Variants in WDR25 observed in about 807,000 individuals in gnomAD.
WDR25 encodes WD repeat-containing protein 25.
In WDR25, 35 loss-of-function variants were observed where a neutral mutation model predicts 47.7. That is an observed-to-expected ratio of 0.73 (90% CI 0.56 to 0.97). The LOEUF (loss-of-function observed/expected upper bound fraction) is 0.97, where lower values mean the gene tolerates loss of function less well. WDR25 is among the 50% of genes least tolerant of loss of function. WDR25 has a pLI of 0.00. For synonymous variants in WDR25, 248 were observed against 278.9 expected, an observed-to-expected ratio of 0.89 and a Z score of 1.10; for missense variants, 634 against 704.7, an observed-to-expected ratio of 0.90 and a Z score of 1.14.
intron 2 of WDR25, among the ~76,000 whole-genome samples, chr14:100,399,313 C>G (rs1329250884): frequency 6.6e-6 from 1 of 152,160 alleles, no homozygotes; most frequent in African/African-American, 2.4e-5. Context: ...CCGATAGATG[C>G]ACATCTGTAG....
intron 4 of WDR25, among the ~76,000 whole-genome samples, chr14:100,493,872 A>T (rs1349385032): frequency 6.6e-6 from 1 of 152,138 alleles, no homozygotes; most frequent in African/African-American, 2.4e-5. Flanking sequence ...CTGTAAGAAG[A>T]GACACGAGAG....
chr14:100,529,592 G>A lies in WDR25; in HGVS notation c.1414-228G>A. 2 of 610,052 alleles carry A rather than the reference G, an allele frequency of 3.3e-6. No individual in the cohort carries two copies. Among genetic ancestry groups the A allele is most frequent in the Non-Finnish European group, 5.7e-6 (2 of 347,976 alleles). 37.8% of individuals were successfully genotyped at this position (610,052 alleles called of 1,614,324 possible). A position where few individuals can be genotyped will look rare whatever the true frequency, so the allele number is the denominator to read the frequency against. ...CACTGAGGCCAGACCCCTCAGCTGG[G>A]CTGGAGCTGGTCCCGCTGGATCTGC... On this transcript the variant is annotated intron_variant, in intron 6 of 6. Coordinates refer to ENST00000402312, the MANE Select transcript of WDR25 (RefSeq NM_001161476.3). This position sits in a 1 kb window ranked among gnomAD's most constrained non-coding sequence, Gnocchi z 5.1.
In WDR25 at chr14:100,529,036, C is replaced by T. The variant is rs781534768; in HGVS notation, c.1273-32C>T. ...CAGAGTGCCAGGTTGGGGGTGTCTT[C>T]TCTGACCCATTTGTGGCTCTGCTGT... On this transcript the variant is annotated intron_variant, in intron 5 of 6. Coordinates refer to ENST00000402312, the MANE Select transcript of WDR25 (RefSeq NM_001161476.3). The surrounding 1 kb of genome is among the most constrained non-coding windows in gnomAD (Gnocchi z 5.1). 5.9e-6 allele frequency: 9 copies of T among 1,516,916 alleles called. No individual in the cohort carries two copies. The highest frequency in any genetic ancestry group is 8.0e-6 in the Non-Finnish European group (9 of 1,128,850). The allele number at this position is 1,516,916 out of a possible 1,614,324, so 94.0% of individuals were successfully genotyped here. A position where few individuals can be genotyped will look rare whatever the true frequency, so the allele number is the denominator to read the frequency against.
intron 4 of WDR25, among the ~76,000 whole-genome samples, chr14:100,522,655 C>A (rs1025468979): frequency 1.3e-5 from 2 of 152,214 alleles, no homozygotes; most frequent in Non-Finnish European, 2.9e-5. Flanking sequence ...GGGCACAGCA[C>A]CCTTAGTTCC....
intron 2 of WDR25, among the ~76,000 whole-genome samples, chr14:100,387,563 A>G (rs1264411989): frequency 6.6e-6 from 1 of 152,244 alleles, no homozygotes; most frequent in African/African-American, 2.4e-5. Context: ...TGTACTAGGC[A>G]TGTTCTAAAC....
chr14:100,530,264 A>G lies in WDR25; in HGVS notation c.*223A>G, dbSNP rs1394682517. Reference sequence around the variant, plus strand: ...CCTGGCGGGCAGCCGGCGATGCCCAATAAATGTGTGTTTTGCTGTTTGTTA... The same window carrying G: ...CCTGGCGGGCAGCCGGCGATGCCCAGTAAATGTGTGTTTTGCTGTTTGTTA... On this transcript the variant is annotated 3_prime_UTR_variant, in exon 7 of 7. Coordinates refer to ENST00000402312, the MANE Select transcript of WDR25 (RefSeq NM_001161476.3). The G allele has an allele frequency of 1.4e-5, 8 of 566,454 alleles. No homozygotes were observed. The highest frequency in any genetic ancestry group is 1.2e-4 in the East Asian group (4 of 33,370). 35.1% of individuals were successfully genotyped at this position (566,454 alleles called of 1,614,324 possible). A position where few individuals can be genotyped will look rare whatever the true frequency, so the allele number is the denominator to read the frequency against.
Position 100,381,273 on chromosome 14 carries a change from C to T in WDR25, c.349C>T (p.Leu117=). 7 of 1,614,160 alleles carry T rather than the reference C, an allele frequency of 4.3e-6. No homozygotes were observed. The highest frequency in any genetic ancestry group is 5.9e-6 in the Non-Finnish European group (7 of 1,180,018). ...FPIKEPSCSS[L]WTSHVPASHM... is the part of the protein sequence containing the mutation. ...CATCAAAGAGCCTTCTTGTTCTTCT[C>T]TGTGGACGAGCCATGTTCCAGCCAG... The change falls in exon 2 of 7, where the codon CTG becomes TTG. Residue 117 remains leucine (L), a synonymous_variant. Transcript: ENST00000402312.
chr14:100,381,683 G>T lies in WDR25; in HGVS notation c.759G>T (p.Gln253His). 1 of 1,614,180 alleles carries T rather than the reference G, an allele frequency of 6.2e-7. No homozygotes were observed. Among genetic ancestry groups the T allele is most frequent in the African/African-American group, 1.3e-5 (1 of 75,054 alleles). Reference sequence around the variant, plus strand: ...ACAGGGGCCCTGTCAACACCATTCAGTGGTGTCCAGTCCTTTCTAAGAGCC... The same window carrying T: ...ACAGGGGCCCTGTCAACACCATTCATTGGTGTCCAGTCCTTTCTAAGAGCC... ...RGHRGPVNTI[Q>H]WCPVLSKSHM... Residue 253 changes from glutamine to histidine, a missense_variant, in exon 2 of 7, where the codon CAG becomes CAT. Physicochemically the swap from Gln to His is conservative, Grantham distance 24 (BLOSUM62 0). Coordinates refer to ENST00000402312, the MANE Select transcript of WDR25 (RefSeq NM_001161476.3).
chr14:100,405,426 G>A (rs933517592), intron 2 of WDR25, among the ~76,000 whole-genome samples: 4 of 151,996 alleles, frequency 2.6e-5, no homozygotes, highest in African/African-American at 9.7e-5. Context: ...CTCCCAAAGT[G>A]CTGGGATTAC....
In WDR25 at chr14:100,449,654, G is replaced by C. The variant is rs1409337875; in HGVS notation, c.823-18367G>C. Among the ~76,000 whole-genome samples the C allele has an allele frequency of 6.6e-6, 1 of 152,186 alleles. No individual in the cohort carries two copies. Among genetic ancestry groups the C allele is most frequent in the African/African-American group, 2.4e-5 (1 of 41,456 alleles). Reference sequence around the variant, plus strand: ...AAACTAAATCAGGTGATGCTTCCAGGAGCCCCCACTCAGTAACTGCTGAGA... The same window carrying C: ...AAACTAAATCAGGTGATGCTTCCAGCAGCCCCCACTCAGTAACTGCTGAGA... On this transcript the variant is annotated intron_variant, in intron 2 of 6. Coordinates refer to ENST00000402312, the MANE Select transcript of WDR25 (RefSeq NM_001161476.3). This position sits in a 1 kb window ranked among gnomAD's most constrained non-coding sequence, Gnocchi z 4.2.
At chr14:100,489,524 G>A (rs1900493394) in intron 4 of WDR25, among the ~76,000 whole-genome samples, 1 of 152,176 alleles carries the variant, frequency 6.6e-6, no homozygotes, top group Non-Finnish European at 1.5e-5. Context: ...AGCTTATATA[G>A]CAAATTTGGT....
At chr14:100,464,935 A>C (rs1595116802) in intron 2 of WDR25, among the ~76,000 whole-genome samples, 1 of 121,786 alleles carries the variant, frequency 8.2e-6, no homozygotes, top group Admixed American at 8.8e-5. Context: ...ACCCCATCTC[A>C]AGTCCCCTAC....
At chr14:100,479,808 G>A (rs1299121092) in intron 3 of WDR25, among the ~76,000 whole-genome samples, 2 of 152,034 alleles carry the variant, frequency 1.3e-5, no homozygotes, top group Middle Eastern at 3.2e-3. Context: ...GAACATTCCC[G>A]CCTGAGCTCC....
At chr14:100,391,801 C>T (rs888769999) in intron 2 of WDR25, among the ~76,000 whole-genome samples, 1 of 152,206 alleles carries the variant, frequency 6.6e-6, no homozygotes, top group Non-Finnish European at 1.5e-5. Flanking sequence ...TGGGGGGCCT[C>T]AAGACCCTTT....
chr14:100,480,671 C>T (rs1900168591), intron 3 of WDR25, among the ~76,000 whole-genome samples: 1 of 152,158 alleles, frequency 6.6e-6, no homozygotes, highest in African/African-American at 2.4e-5. Context: ...TCACCCTTAA[C>T]CTGGGAACAG....
At chr14:100,467,090 A>G (rs1488521633) in intron 2 of WDR25, among the ~76,000 whole-genome samples, 1 of 152,262 alleles carries the variant, frequency 6.6e-6, no homozygotes, top group Non-Finnish European at 1.5e-5. Flanking sequence ...CCCTCATGAA[A>G]GGCCAGCATG....
At chr14:100,389,090 C>G (rs1038907121) in intron 2 of WDR25, among the ~76,000 whole-genome samples, 4 of 152,104 alleles carry the variant, frequency 2.6e-5, no homozygotes, top group Non-Finnish European at 4.4e-5. Flanking sequence ...TGTCTAATGC[C>G]CAGTGATGGC....
At chr14:100,481,250 G>A in intron 3 of WDR25, 1 of 607,970 alleles carries the variant, frequency 1.6e-6, no homozygotes, top group South Asian at 1.4e-5. Context: ...TGATGAAGCA[G>A]GAGAGAAAGA....
At chr14:100,522,618 G>A (rs151030690) in intron 4 of WDR25, among the ~76,000 whole-genome samples, 97 of 152,292 alleles carry the variant, frequency 6.4e-4, no homozygotes, top group African/African-American at 2.3e-3. Context: ...TACAAGCATC[G>A]GGCTTGTATG....
Sources: gnomAD v4.1 joint callset for allele counts (sites outside exome capture counted in the v4.1 genomes callset) on GRCh38, gnomAD v4.1.1 for gene constraint, Gnocchi (gnomAD v3.1) non-coding constraint, MANE v1.5 for transcripts, NCBI Gene and HGNC (gene_info 2026-07-23, HGNC 2026-07-21) for gene names.